IGF2BP3: variants seen among roughly 807,000 people sequenced by gnomAD.
The protein encoded by IGF2BP3 is insulin-like growth factor 2 mRNA-binding protein 3.
In IGF2BP3, 9 loss-of-function variants were observed where a neutral mutation model predicts 73.8. The observed-to-expected ratio is 0.12, with a 90% confidence interval of 0.07 to 0.21. The LOEUF is 0.21. Ranked by LOEUF, IGF2BP3 falls within the 10% of genes least tolerant of loss-of-function variation. The pLI, the probability that IGF2BP3 is intolerant of heterozygous loss-of-function variation, is 1.00. For missense variants in IGF2BP3, 542 were observed against 714.0 expected, an observed-to-expected ratio of 0.76 and a Z score of 2.75; for synonymous variants, 258 against 256.7, an observed-to-expected ratio of 1.01 and a Z score of -0.05.
intron 3 of IGF2BP3, among the ~76,000 whole-genome samples, chr7:23,401,421 C>T (rs906573192): frequency 1.3e-5 from 2 of 152,136 alleles, no homozygotes; most frequent in Admixed American, 6.5e-5. Context: ...ATCATTCAAA[C>T]TCACAGTACA....
intron 6 of IGF2BP3, among the ~76,000 whole-genome samples, chr7:23,349,898 G>A (rs528135711): frequency 1.3e-5 from 2 of 152,172 alleles, no homozygotes; most frequent in Non-Finnish European, 2.9e-5. Flanking sequence ...AGGTAACGGT[G>A]GATCAAGGGA....
intron 6 of IGF2BP3, among the ~76,000 whole-genome samples, chr7:23,349,059 A>C (rs75711353): frequency 6.6e-6 from 1 of 152,332 alleles, no homozygotes; most frequent in African/African-American, 2.4e-5. Flanking sequence ...ACAGCTACCC[A>C]GGTGAGACGA....
At chr7:23,424,326 C>T (rs961481971) in intron 2 of IGF2BP3, among the ~76,000 whole-genome samples, 2 of 151,628 alleles carry the variant, frequency 1.3e-5, no homozygotes, top group African/African-American at 4.8e-5. Flanking sequence ...GGTGAAACCC[C>T]GTCTCTACTA....
chr7:23,343,498 G>A (rs1784760039), intron 9 of IGF2BP3, among the ~76,000 whole-genome samples: 1 of 152,144 alleles, frequency 6.6e-6, no homozygotes, highest in Non-Finnish European at 1.5e-5. Flanking sequence ...GGAAGCTAAG[G>A]CTCAAAGACT....
chr7:23,334,293 A>G (rs912852221), intron 10 of IGF2BP3, among the ~76,000 whole-genome samples: 6 of 152,096 alleles, frequency 3.9e-5, no homozygotes, highest in African/African-American at 1.4e-4. Context: ...ATGACACTGC[A>G]CTCCAGAGCC....
At chr7:23,465,321 A>G (rs1193479565) in intron 2 of IGF2BP3, among the ~76,000 whole-genome samples, 1 of 152,260 alleles carries the variant, frequency 6.6e-6, no homozygotes, top group Non-Finnish European at 1.5e-5. Flanking sequence ...GTGCAACACT[A>G]TCACAGATAT....
At chr7:23,458,105 G>A (rs559122118) in intron 2 of IGF2BP3, among the ~76,000 whole-genome samples, 1 of 152,084 alleles carries the variant, frequency 6.6e-6, no homozygotes. Flanking sequence ...ACTGGGTGAC[G>A]TTGTATTCAT....
chr7:23,361,393 G>T, intron 5 of IGF2BP3, 141 bp downstream of exon 5: 1 of 613,702 alleles, frequency 1.6e-6, no homozygotes, highest in East Asian at 2.8e-5. Flanking sequence ...TAAAAAGAAA[G>T]GCACGATTAC....
Position 23,361,539 on chromosome 7 carries a change from A to G in IGF2BP3, c.396T>C (p.Ala132=). The change falls in exon 5 of 15, where the codon GCT becomes GCC. Residue 132 remains alanine, a synonymous_variant. Transcript: ENST00000258729. ...AAAAGCTTCAAGCTGCTTACTGTCT[A>G]GCTTGGTCCTTACTGGAATAGGTTA... The part of the protein sequence containing the change: ...VNVTYSSKDQ[A]RQALDKLNGF... 1 of 1,611,064 alleles carries G rather than the reference A, an allele frequency of 6.2e-7. No individual in the cohort carries two copies. Among genetic ancestry groups the G allele is most frequent in the Non-Finnish European group, 8.5e-7 (1 of 1,178,516 alleles).
At chr7:23,460,331 C>G (rs1788419870) in intron 2 of IGF2BP3, among the ~76,000 whole-genome samples, 1 of 151,800 alleles carries the variant, frequency 6.6e-6, no homozygotes, top group African/African-American at 2.4e-5. Context: ...AGTTCAAGAC[C>G]AACCTGGCTA....
chr7:23,322,580 G>C (rs1156531712), intron 10 of IGF2BP3, among the ~76,000 whole-genome samples: 1 of 152,120 alleles, frequency 6.6e-6, no homozygotes, highest in African/African-American at 2.4e-5. Flanking sequence ...ACGCCACAAA[G>C]ATACTCCTCG....
chr7:23,392,965 A>G (rs991955890), intron 3 of IGF2BP3, among the ~76,000 whole-genome samples: 1 of 152,206 alleles, frequency 6.6e-6, no homozygotes, highest in Non-Finnish European at 1.5e-5. Flanking sequence ...TGAGTGGCAT[A>G]TAACTCCCAA....
chr7:23,427,999 C>A (rs1787560314), intron 2 of IGF2BP3, among the ~76,000 whole-genome samples: 1 of 151,278 alleles, frequency 6.6e-6, no homozygotes, highest in Non-Finnish European at 1.5e-5. Flanking sequence ...GGGCGAGACA[C>A]CATCTCAAAA....
chr7:23,407,966 G>T (rs13223901), intron 3 of IGF2BP3, among the ~76,000 whole-genome samples: 20 of 137,224 alleles, frequency 1.5e-4, no homozygotes, highest in Admixed American at 5.2e-4. Context: ...GGGGCGGGGG[G>T]GGGGGGAGTC....
intron 12 of IGF2BP3, 121 bp from the exon 13 acceptor site, chr7:23,313,774 A>G: frequency 1.1e-6 from 1 of 893,302 alleles, no homozygotes; most frequent in Non-Finnish European, 1.7e-6. Context: ...TCTACATTTC[A>G]TAGATTGTTG....
chr7:23,430,932 T>C (rs1787657504), intron 2 of IGF2BP3, among the ~76,000 whole-genome samples: 1 of 152,092 alleles, frequency 6.6e-6, no homozygotes, highest in Non-Finnish European at 1.5e-5. Context: ...CAGAATGAAA[T>C]CTCATGGAGA....
intron 3 of IGF2BP3, among the ~76,000 whole-genome samples, chr7:23,394,382 G>A (rs903836914): frequency 6.6e-6 from 1 of 152,062 alleles, no homozygotes; most frequent in African/African-American, 2.4e-5. Context: ...TAGCAGGATC[G>A]CTTCAGCCTG....
At chr7:23,426,143 A>G (rs893215508) in intron 2 of IGF2BP3, among the ~76,000 whole-genome samples, 1 of 151,854 alleles carries the variant, frequency 6.6e-6, no homozygotes, top group Non-Finnish European at 1.5e-5. Flanking sequence ...CCTGGCCAAC[A>G]TCGTGAAAAC....
At chr7:23,453,726 C>G (rs1309978815) in intron 2 of IGF2BP3, among the ~76,000 whole-genome samples, 1 of 152,240 alleles carries the variant, frequency 6.6e-6, no homozygotes, top group South Asian at 2.1e-4. Flanking sequence ...CATGCCTCCA[C>G]AACCTTGCCA....
Sources: allele counts gnomAD v4.1 joint callset (sites outside exome capture counted in the v4.1 genomes callset), GRCh38; gene constraint gnomAD v4.1.1; transcripts MANE v1.5; gene names NCBI Gene and HGNC (gene_info 2026-07-23, HGNC 2026-07-21).